HPGD: variants seen among roughly 807,000 people sequenced by gnomAD.
The protein encoded by HPGD is 15-hydroxyprostaglandin dehydrogenase.
In HPGD, 29 loss-of-function variants were observed where a neutral mutation model predicts 30.0. The ratio of observed to expected loss-of-function variants is 0.97; its 90% CI spans 0.72 to 1.32. The LOEUF (loss-of-function observed/expected upper bound fraction) is 1.32. HPGD is among the 40% of genes most tolerant of loss of function. HPGD has a pLI of 0.00. For missense variants in HPGD, 340 were observed against 322.1 expected (o/e 1.06, Z -0.43); for synonymous variants, 99 against 112.4 (o/e 0.88, Z 0.75).
rs552424824 is a variant in HPGD at position 174,491,788 on chromosome 4, C to G, written c.*168G>C. 11 of 621,534 alleles carry G rather than the reference C, an allele frequency of 1.8e-5. No homozygotes were observed. Among genetic ancestry groups the G allele is most frequent in the Non-Finnish European group, 3.1e-5 (11 of 350,260 alleles). The allele number at this position is 621,534 out of a possible 1,614,324, so 38.5% of individuals were successfully genotyped here. On this transcript the variant is annotated 3_prime_UTR_variant, in exon 7 of 7. Transcript: ENST00000296522. ...ACATCACATTTTTAATAGTTCATAACTTTTTATCCATATACTTAACTAAAA... is the reference window on the plus strand; with the variant it reads ...ACATCACATTTTTAATAGTTCATAAGTTTTTATCCATATACTTAACTAAAA...
At chr4:174,495,251 TTAA>T (rs1734533927) in intron 5 of HPGD, 18 of 392,396 alleles carry the variant, frequency 4.6e-5, no homozygotes, top group South Asian at 4.1e-4. Flanking sequence ...AAAGCTGAAG[TTAA>T]TAATATTTCC....
At chr4:174,517,911 C>T (rs1339355556) in intron 3 of HPGD, 60 bp downstream of exon 3, 9 of 906,038 alleles carry the variant, frequency 9.9e-6, no homozygotes, top group Admixed American at 8.4e-5. Flanking sequence ...ACCTTTTTTT[C>T]TTTACAAACA....
At chr4:174,501,457 A>G (rs1734894655) in intron 4 of HPGD, among the ~76,000 whole-genome samples, 1 of 152,214 alleles carries the variant, frequency 6.6e-6, no homozygotes, top group Admixed American at 6.5e-5. Flanking sequence ...TTATATTAAA[A>G]TAGTTAAGAA....
chr4:174,519,680 CACCTTGTG>C (rs1263370138), intron 2 of HPGD, among the ~76,000 whole-genome samples: 1 of 152,148 alleles, frequency 6.6e-6, no homozygotes, highest in East Asian at 1.9e-4. Flanking sequence ...CACCACTGAG[CACCTTGTG>C]ACCCCCACTG....
chr4:174,498,946 A>G (rs925526536), intron 4 of HPGD, among the ~76,000 whole-genome samples: 4 of 152,062 alleles, frequency 2.6e-5, no homozygotes, highest in African/African-American at 9.7e-5. Flanking sequence ...GGGGGTGGAC[A>G]TTTTTTAGGA....
chr4:174,521,464 G>A (rs943961805), intron 2 of HPGD, among the ~76,000 whole-genome samples: 1 of 152,030 alleles, frequency 6.6e-6, no homozygotes, highest in Non-Finnish European at 1.5e-5. Flanking sequence ...GAAAACATAT[G>A]GTCAAAAGCA....
At chr4:174,517,091 C>T (rs1735818942) in intron 3 of HPGD, among the ~76,000 whole-genome samples, 1 of 152,132 alleles carries the variant, frequency 6.6e-6, no homozygotes, top group South Asian at 2.1e-4. Context: ...GTCAGGGAGA[C>T]CCCAGGCACA....
At chr4:174,501,956 C>T (rs548180901) in intron 4 of HPGD, among the ~76,000 whole-genome samples, 1 of 152,216 alleles carries the variant, frequency 6.6e-6, no homozygotes, top group African/African-American at 2.4e-5. Flanking sequence ...ACTAAATCCG[C>T]AAACAAGATT....
intron 4 of HPGD, among the ~76,000 whole-genome samples, chr4:174,499,206 T>C (rs954250214): frequency 1.3e-5 from 2 of 152,130 alleles, no homozygotes; most frequent in African/African-American, 4.8e-5. Flanking sequence ...ACAAGGTAGT[T>C]GGTGTAAACT....
intron 6 of HPGD, 63 bp downstream of exon 6, chr4:174,493,088 A>G: frequency 1.4e-6 from 2 of 1,396,948 alleles, no homozygotes; most frequent in South Asian, 1.3e-5. Context: ...TTCCCTTTTT[A>G]TAGCTTATCT....
intron 4 of HPGD, among the ~76,000 whole-genome samples, chr4:174,502,241 G>A (rs1375504266): frequency 6.6e-6 from 1 of 152,140 alleles, no homozygotes; most frequent in Non-Finnish European, 1.5e-5. Flanking sequence ...TCTACGATTC[G>A]TGCATACACC....
At chr4:174,506,600 T>A (rs983972024) in intron 4 of HPGD, 4 of 152,196 alleles carry the variant, frequency 2.6e-5, no homozygotes, top group African/African-American at 9.6e-5. Context: ...ATTTTCAAAA[T>A]GGAAATTATA....
chr4:174,519,308 G>T (rs1011365314), intron 2 of HPGD, among the ~76,000 whole-genome samples: 7 of 151,466 alleles, frequency 4.6e-5, no homozygotes, highest in African/African-American at 1.2e-4. Flanking sequence ...CCACCTCCCG[G>T]GTTCACGCCA....
At chr4:174,509,338 C>T (rs532665947) in intron 3 of HPGD, among the ~76,000 whole-genome samples, 10 of 152,130 alleles carry the variant, frequency 6.6e-5, no homozygotes, top group Admixed American at 6.5e-4. Context: ...CCATATAATA[C>T]GAGGAAGGTG....
chr4:174,509,962 C>T (rs1735396816), intron 3 of HPGD, among the ~76,000 whole-genome samples: 1 of 150,710 alleles, frequency 6.6e-6, no homozygotes, highest in Non-Finnish European at 1.5e-5. Context: ...ATATTTCAAA[C>T]CTTACTTTTC....
rs2110763732 is a variant in HPGD at position 174,491,961 on chromosome 4, G to T, written c.796C>A (p.Gln266Lys). ...ATGGCTAACACATAAGCTGTTCATT[G>T]GGTTTTTGCTTGAAATGGAGTTGTA... is the stretch of plus-strand genomic sequence containing the variant. ...YDTTPFQAKT[Q>K] The change falls in exon 7 of 7, where the codon CAA becomes AAA. Residue 266 changes from glutamine (Q) to lysine (K), a missense_variant. Gln to Lys is a moderately conservative substitution (Grantham distance 53). Transcript: ENST00000296522. 2 of 1,611,654 alleles carry T rather than the reference G, an allele frequency of 1.2e-6. No individual in the cohort carries two copies. The highest frequency in any genetic ancestry group is 3.3e-4 in the Middle Eastern group (2 of 6,032).
At chr4:174,498,974 G>C (rs949066369) in intron 4 of HPGD, among the ~76,000 whole-genome samples, 1 of 152,124 alleles carries the variant, frequency 6.6e-6, no homozygotes, top group African/African-American at 2.4e-5. Context: ...ATTTTCTACT[G>C]CATCTGATTC....
rs528571984 is a variant in HPGD, at chr4:174,503,293, A to C, written c.421+5403T>G. 5.9e-5 allele frequency among the ~76,000 whole-genome samples: 9 copies of C among 152,280 alleles called. No individual in the cohort carries two copies. In the East Asian group the frequency reaches 9.7e-4, roughly 16 times the overall value. On this transcript the variant is annotated intron_variant, in intron 4 of 6. Coordinates refer to ENST00000296522, the MANE Select transcript of HPGD (RefSeq NM_000860.6). ...TCTGAGCACTTATGAATCACAGCAT[A>C]GGAACAGTACATCCACTCTATGACA...
chr4:174,504,637 G>T (rs45616940), intron 4 of HPGD, among the ~76,000 whole-genome samples: 1 of 148,770 alleles, frequency 6.7e-6, no homozygotes, highest in Non-Finnish European at 1.5e-5. Context: ...ATGAAATCCC[G>T]TTTCTACTAA....
Sources: allele counts gnomAD v4.1 joint callset (sites outside exome capture counted in the v4.1 genomes callset), GRCh38; gene constraint gnomAD v4.1.1; transcripts MANE v1.5; gene names NCBI Gene and HGNC (gene_info 2026-07-23, HGNC 2026-07-21).